The following COL23A1 variants were observed in gnomAD, a reference collection of about 807,000 sequenced individuals.
The protein encoded by COL23A1 is collagen alpha-1(XXIII) chain.
A neutral mutation model predicts 99.3 loss-of-function variants in COL23A1; 97 were observed. That is an observed-to-expected ratio of 0.98 (90% CI 0.83 to 1.16). The LOEUF is 1.16. COL23A1 is among the 50% of genes most tolerant of loss of function. COL23A1 has a pLI of 0.00. For missense variants in COL23A1, 762 were observed against 757.4 expected (o/e 1.01, Z -0.07); for synonymous variants, 320 against 308.2 (o/e 1.04, Z -0.40).
At chr5:178,583,177 C>T (rs75153113) in intron 1 of COL23A1, among the ~76,000 whole-genome samples, 2,062 of 152,296 alleles carry the variant, frequency 0.014, 18 homozygotes, top group African/African-American at 0.028. Flanking sequence ...ACACAGATTT[C>T]GACACTGCTA....
intron 2 of COL23A1, among the ~76,000 whole-genome samples, chr5:178,364,325 C>G (rs1042271422): frequency 7.0e-6 from 1 of 142,534 alleles, no homozygotes; most frequent in Non-Finnish European, 1.5e-5. Flanking sequence ...CTCCTGATAT[C>G]TGCTTGCCTC....
chr5:178,251,865 G>GTTTTC lies in COL23A1; in HGVS notation c.1014+674_1014+678dup, dbSNP rs369934685. On this transcript the variant is annotated intron_variant, in intron 17 of 28. Transcript: ENST00000390654. Reference sequence around the variant, plus strand: ...TTTAAGTGAGAACATGCAGTATGTGGTTTTCTTTTCTTTTCTTTCTTTCTC... The same window carrying GTTTTC: ...TTTAAGTGAGAACATGCAGTATGTGGTTTTCTTTTCTTTTCTTTTCTTTCTTTCTC... Among the ~76,000 whole-genome samples the GTTTTC allele has an allele frequency of 2.5e-3, 376 of 149,122 alleles. 6 individuals carry two copies. Among genetic ancestry groups the GTTTTC allele is most frequent in the African/African-American group, 8.9e-3 (360 of 40,652 alleles).
At position 178,345,306 on chromosome 5, in the gene COL23A1, C is replaced by T. The variant is rs185046176; in HGVS notation, c.362-38387G>A. The stretch of plus-strand genomic sequence containing the variant: ...AATCTGCCCCCTAGTTTGAAAATCA[C>T]TTGGAGCAATTCGGAAGAGAAACAC... On this transcript the variant is annotated intron_variant, in intron 2 of 28. Coordinates refer to ENST00000390654, the MANE Select transcript of COL23A1 (RefSeq NM_173465.4). 76 of 530,650 alleles carry T rather than the reference C, an allele frequency of 1.4e-4. No homozygotes were observed. The East Asian group carries it at 3.1e-3, about 22-fold the overall frequency. The allele number at this position is 530,650 out of a possible 1,614,324, so 32.9% of individuals were successfully genotyped here.
In COL23A1 at chr5:178,258,236, AATATATATATAT is replaced by A. The variant is rs70994992; in HGVS notation, c.730-681_730-670del. On this transcript the variant is annotated intron_variant, in intron 12 of 28. Coordinates refer to ENST00000390654, the MANE Select transcript of COL23A1 (RefSeq NM_173465.4). The stretch of plus-strand genomic sequence containing the variant: ...GTGACAGAGTGAGATCCTGTCTTAA[AATATATATATAT>A]ATATATATATATATACACATGCAAA... Among the ~76,000 whole-genome samples the A allele has an allele frequency of 3.2e-3, 232 of 71,962 alleles. 24 individuals are homozygous for A. The highest frequency in any genetic ancestry group is 0.016 in the South Asian group (32 of 1,966). The allele number at this position is 71,962 out of a possible 152,430, so 47.2% of individuals were successfully genotyped here.
In COL23A1 at chr5:178,358,302, A is replaced by ATGTGTG. The variant is rs1554145378; in HGVS notation, c.362-51384_362-51383insCACACA. Among the ~76,000 whole-genome samples the ATGTGTG allele has an allele frequency of 8.6e-5, 11 of 128,634 alleles. No homozygotes were observed. In the South Asian group the frequency reaches 1.8e-3, roughly 21 times the overall value. 84.4% of individuals were successfully genotyped at this position (128,634 alleles called of 152,430 possible). On this transcript the variant is annotated intron_variant, in intron 2 of 28. Coordinates refer to ENST00000390654, the MANE Select transcript of COL23A1 (RefSeq NM_173465.4). The stretch of plus-strand genomic sequence containing the variant: ...TGTATGCGTGTGCGTATATGTATGT[A>ATGTGTG]TGTATGTGTGTGTATGTGTATGTGT...
intron 3 of COL23A1, among the ~76,000 whole-genome samples, chr5:178,301,920 T>TG (rs1758061115): frequency 7.1e-5 from 9 of 126,414 alleles, no homozygotes; most frequent in African/African-American, 2.9e-4. Context: ...CAGCTTCAAT[T>TG]CACCTCTGTG....
chr5:178,287,059 G>C (rs577639149), intron 5 of COL23A1, among the ~76,000 whole-genome samples: 1 of 152,346 alleles, frequency 6.6e-6, no homozygotes, highest in African/African-American at 2.4e-5. Flanking sequence ...ACTTTCCAGC[G>C]AAAGCCTGTG....
chr5:178,401,164 T>C (rs1764426296), intron 2 of COL23A1, among the ~76,000 whole-genome samples: 1 of 152,236 alleles, frequency 6.6e-6, no homozygotes, highest in Admixed American at 6.5e-5. Flanking sequence ...TCGTCCACTT[T>C]GTAACATGTG....
At chr5:178,311,509 C>CGCGTGTGT (rs1374518634) in intron 2 of COL23A1, among the ~76,000 whole-genome samples, 18 of 27,176 alleles carry the variant, frequency 6.6e-4, no homozygotes, top group African/African-American at 1.3e-3. Flanking sequence ...TGTGTGTGCG[C>CGCGTGTGT]GTGTGTGTGT....
At chr5:178,346,199 TTTATTTATTTATTTA>T (rs1196045775) in intron 2 of COL23A1, among the ~76,000 whole-genome samples, 1 of 152,060 alleles carries the variant, frequency 6.6e-6, no homozygotes, top group Non-Finnish European at 1.5e-5. Flanking sequence ...AATTGATCTT[TTTATTTATTTATTTA>T]TTATTTATTT....
At chr5:178,278,683 C>T (rs1213911588) in intron 5 of COL23A1, among the ~76,000 whole-genome samples, 2 of 152,216 alleles carry the variant, frequency 1.3e-5, no homozygotes, top group East Asian at 3.9e-4. Context: ...CTACCTCCTG[C>T]CCCACATACC....
chr5:178,521,206 T>C (rs905359509), intron 2 of COL23A1, among the ~76,000 whole-genome samples: 1 of 152,226 alleles, frequency 6.6e-6, no homozygotes, highest in Non-Finnish European at 1.5e-5. Flanking sequence ...TGGTACATCG[T>C]TGACTGAAAT....
chr5:178,379,142 C>T (rs1197741609), intron 2 of COL23A1, among the ~76,000 whole-genome samples: 1 of 151,988 alleles, frequency 6.6e-6, no homozygotes, highest in Non-Finnish European at 1.5e-5. Context: ...AGATTGTGAA[C>T]CTGCACTAGA....
At chr5:178,317,730 A>G (rs1383518547) in intron 2 of COL23A1, among the ~76,000 whole-genome samples, 1 of 152,218 alleles carries the variant, frequency 6.6e-6, no homozygotes, top group East Asian at 1.9e-4. Flanking sequence ...CGTATTAGCC[A>G]GTTCTCATGC....
rs1765255059 is a variant in COL23A1, at chr5:178,255,521, C to T, written c.883-495G>A. Among the ~76,000 whole-genome samples the T allele has an allele frequency of 6.6e-6, 1 of 152,276 alleles. No homozygotes were observed. Among genetic ancestry groups the T allele is most frequent in the African/African-American group, 2.4e-5 (1 of 41,554 alleles). On this transcript the variant is annotated intron_variant, in intron 15 of 28. Coordinates refer to ENST00000390654, the MANE Select transcript of COL23A1 (RefSeq NM_173465.4). The surrounding 1 kb of genome is among the most constrained non-coding windows in gnomAD (Gnocchi z 4.2). ...CATGCCCATGTCCATATGCTGCACACTCATTGTGCACACTCACACGTGCAC... is the reference window on the plus strand; with the variant it reads ...CATGCCCATGTCCATATGCTGCACATTCATTGTGCACACTCACACGTGCAC...
chr5:178,348,539 C>T (rs1431403786), intron 2 of COL23A1, among the ~76,000 whole-genome samples: 1 of 152,234 alleles, frequency 6.6e-6, no homozygotes, highest in Non-Finnish European at 1.5e-5. Flanking sequence ...CCGAACGGCG[C>T]TGGGCCAGCA....
At chr5:178,242,513 G>T in intron 25 of COL23A1, 119 bp from the exon 26 acceptor site, 1 of 953,060 alleles carries the variant, frequency 1.0e-6, no homozygotes, top group Non-Finnish European at 1.6e-6. Context: ...CATATTCGTG[G>T]CACACGCTGG....
chr5:178,553,690 C>T (rs754266763), intron 2 of COL23A1, among the ~76,000 whole-genome samples: 37 of 152,204 alleles, frequency 2.4e-4, no homozygotes, highest in Non-Finnish European at 4.0e-4. Context: ...CTTCTGGGCA[C>T]GTGGGTGGCT....
chr5:178,461,746 T>C (rs1756132933), intron 2 of COL23A1, among the ~76,000 whole-genome samples: 1 of 152,190 alleles, frequency 6.6e-6, no homozygotes, highest in Non-Finnish European at 1.5e-5. Context: ...AAATGAAGTC[T>C]TGGCAAGCAC....
Sources: gnomAD v4.1 joint callset for allele counts (sites outside exome capture counted in the v4.1 genomes callset) on GRCh38, gnomAD v4.1.1 for gene constraint, Gnocchi (gnomAD v3.1) non-coding constraint, MANE v1.5 for transcripts, NCBI Gene and HGNC (gene_info 2026-07-23, HGNC 2026-07-21) for gene names.